Variants in CDKAL1 observed in about 807,000 individuals in gnomAD.
CDKAL1 encodes the protein threonylcarbamoyladenosine tRNA methylthiotransferase.
In CDKAL1, 32 loss-of-function variants were observed where a neutral mutation model predicts 68.2. That is an observed-to-expected ratio of 0.47 (90% CI 0.35 to 0.63). CDKAL1 has a LOEUF of 0.63. Among genes scored for constraint, CDKAL1 ranks in the 30% least tolerant of loss-of-function variants. The pLI is 0.00. For missense variants in CDKAL1, 606 were observed against 696.7 expected (o/e 0.87, Z 1.47); for synonymous variants, 234 against 244.3 (o/e 0.96, Z 0.39).
intron 8 of CDKAL1, among the ~76,000 whole-genome samples, chr6:20,794,801 A>C (rs1776043532): frequency 6.6e-6 from 1 of 152,144 alleles, no homozygotes; most frequent in African/African-American, 2.4e-5. Flanking sequence ...ATACACCTTC[A>C]TCTTTAGGAT....
At chr6:21,013,540 G>C (rs1370518175) in intron 11 of CDKAL1, among the ~76,000 whole-genome samples, 3 of 152,166 alleles carry the variant, frequency 2.0e-5, no homozygotes, top group Admixed American at 1.3e-4. Flanking sequence ...CTTGCAACCA[G>C]CTAGCCCTAG....
At chr6:20,917,117 A>G (rs1762756032) in intron 9 of CDKAL1, among the ~76,000 whole-genome samples, 2 of 152,104 alleles carry the variant, frequency 1.3e-5, no homozygotes, top group South Asian at 4.2e-4. Flanking sequence ...AGTAGCTGGG[A>G]TTACAGGCAC....
At chr6:20,999,663 TAAAAAAAAAAAAA>T (rs36078234) in intron 10 of CDKAL1, among the ~76,000 whole-genome samples, 2 of 93,402 alleles carry the variant, frequency 2.1e-5, no homozygotes, top group African/African-American at 4.6e-5. Context: ...TGACTGAAAT[TAAAAAAAAAAAAA>T]AAAAAAAAAA....
At chr6:20,999,663 TAAAAAAAAAAAAAA>T (rs36078234) in intron 10 of CDKAL1, among the ~76,000 whole-genome samples, 3 of 93,390 alleles carry the variant, frequency 3.2e-5, no homozygotes, top group South Asian at 3.8e-4. Flanking sequence ...TGACTGAAAT[TAAAAAAAAAAAAAA>T]AAAAAAAAAA....
At chr6:20,776,695 T>G (rs550254149) in intron 7 of CDKAL1, among the ~76,000 whole-genome samples, 4 of 152,294 alleles carry the variant, frequency 2.6e-5, no homozygotes, top group Admixed American at 6.5e-5. Flanking sequence ...AAAGCAATGC[T>G]AAAGCTGCAC....
intron 15 of CDKAL1, among the ~76,000 whole-genome samples, chr6:21,203,534 C>T (rs1040514534): frequency 6.6e-6 from 1 of 151,712 alleles, no homozygotes; most frequent in Admixed American, 6.6e-5. Context: ...CTGTGCTCGG[C>T]CCCAGCTGAT....
intron 11 of CDKAL1, among the ~76,000 whole-genome samples, chr6:21,017,302 T>G (rs984890701): frequency 5.9e-5 from 9 of 152,240 alleles, no homozygotes; most frequent in Non-Finnish European, 1.0e-4. Context: ...AAGCAACTAA[T>G]TTATGTTTGT....
At chr6:21,113,609 T>C (rs564532479) in intron 13 of CDKAL1, among the ~76,000 whole-genome samples, 1 of 151,954 alleles carries the variant, frequency 6.6e-6, no homozygotes, top group African/African-American at 2.4e-5. Context: ...TTCAAGCAAT[T>C]CTCCTGCCTC....
At chr6:21,100,389 C>T (rs1032909742) in intron 12 of CDKAL1, among the ~76,000 whole-genome samples, 2 of 152,188 alleles carry the variant, frequency 1.3e-5, no homozygotes, top group Non-Finnish European at 2.9e-5. Flanking sequence ...TTGCCTCCAG[C>T]ACTTGGGTAT....
intron 12 of CDKAL1, among the ~76,000 whole-genome samples, chr6:21,086,921 T>C (rs562094469): frequency 6.6e-6 from 1 of 152,328 alleles, no homozygotes; most frequent in South Asian, 2.1e-4. Flanking sequence ...CTAAATGTCA[T>C]TGTCCTAAAA....
At chr6:20,851,113 A>C (rs1170729629) in intron 9 of CDKAL1, among the ~76,000 whole-genome samples, 1 of 151,904 alleles carries the variant, frequency 6.6e-6, no homozygotes, top group Admixed American at 6.6e-5. Context: ...ATGTGAGTTT[A>C]AGATTTACCA....
intron 13 of CDKAL1, among the ~76,000 whole-genome samples, chr6:21,165,419 C>T (rs1394860389): frequency 3.9e-5 from 6 of 152,134 alleles, no homozygotes; most frequent in Non-Finnish European, 7.4e-5. Context: ...TTACTCCGAA[C>T]AGTTCTAAAA....
intron 5 of CDKAL1, among the ~76,000 whole-genome samples, chr6:20,666,704 T>G (rs1769563190): frequency 6.8e-6 from 1 of 147,700 alleles, no homozygotes; most frequent in Admixed American, 6.8e-5. Flanking sequence ...TTTTTTTTTT[T>G]TGACTTATTA....
intron 5 of CDKAL1, among the ~76,000 whole-genome samples, chr6:20,672,228 TTTTCTTTCTCTTTC>T (rs1001582251): frequency 4.8e-5 from 6 of 124,944 alleles, no homozygotes; most frequent in Non-Finnish European, 8.8e-5. Context: ...CCTTTCTTTC[TTTTCTTTCTCTTTC>T]TTTCTTTCTT....
chr6:21,215,339 G>T (rs1360875142), intron 15 of CDKAL1, among the ~76,000 whole-genome samples: 1 of 152,166 alleles, frequency 6.6e-6, no homozygotes, highest in Admixed American at 6.5e-5. Context: ...CATCCTGTTG[G>T]CCAAGTAAAT....
chr6:20,875,305 CAAAAAAAAAA>C (rs58717424), intron 9 of CDKAL1, among the ~76,000 whole-genome samples: 1 of 71,216 alleles, frequency 1.4e-5, no homozygotes, highest in African/African-American at 6.1e-5. Flanking sequence ...GACTCCGTCT[CAAAAAAAAAA>C]AAAAAAAAAA....
At chr6:20,730,611 G>A (rs1161445503) in intron 5 of CDKAL1, among the ~76,000 whole-genome samples, 1 of 152,170 alleles carries the variant, frequency 6.6e-6, no homozygotes, top group South Asian at 2.1e-4. Context: ...TTGGGAGGCC[G>A]AGGCGGGCAG....
intron 10 of CDKAL1, among the ~76,000 whole-genome samples, chr6:20,991,604 G>C (rs1365474953): frequency 2.0e-5 from 3 of 151,316 alleles, no homozygotes. Flanking sequence ...CTACTCGAGA[G>C]GCTGAGGCAG....
At chr6:20,536,133 CGT>C (rs1561907248) in intron 2 of CDKAL1, among the ~76,000 whole-genome samples, 2 of 150,316 alleles carry the variant, frequency 1.3e-5, no homozygotes, top group Non-Finnish European at 2.9e-5. Flanking sequence ...CGATAGGGTC[CGT>C]GTTGCCTAGG....
Sources: allele counts gnomAD v4.1 joint callset (sites outside exome capture counted in the v4.1 genomes callset), GRCh38; gene constraint gnomAD v4.1.1; transcripts MANE v1.5; gene names NCBI Gene and HGNC (gene_info 2026-07-23, HGNC 2026-07-21).